The following TRPM6 variants were observed in gnomAD, a reference collection of about 807,000 sequenced individuals.
TRPM6 encodes channel kinase 2.
TRPM6 carries 111 observed loss-of-function variants against 247.6 expected under a neutral mutation model. The observed-to-expected ratio is 0.45, with a 90% CI of 0.38 to 0.52. The LOEUF (loss-of-function observed/expected upper bound fraction) is 0.52, where lower values mean the gene tolerates loss of function less well. TRPM6 is among the 20% of genes least tolerant of loss of function. The pLI is 0.00. For missense variants in TRPM6, 2,126 were observed against 2,421.5 expected (o/e 0.88, Z 2.56); for synonymous variants, 892 against 853.8 (o/e 1.04, Z -0.78).
At chr9:74,765,224 T>C (rs1028559378) in intron 25 of TRPM6, among the ~76,000 whole-genome samples, 1 of 152,090 alleles carries the variant, frequency 6.6e-6, no homozygotes, top group Admixed American at 6.5e-5. Flanking sequence ...GGGCTGGGGA[T>C]GTCTATTATG....
chr9:74,727,295 T>C (rs1246278562), intron 38 of TRPM6, among the ~76,000 whole-genome samples: 1 of 148,616 alleles, frequency 6.7e-6, no homozygotes, highest in Non-Finnish European at 1.5e-5. Context: ...GGCAGGAGAA[T>C]CGCTTGAACC....
chr9:74,809,976 CAAAA>C (rs57812269), intron 13 of TRPM6, among the ~76,000 whole-genome samples: 4 of 33,550 alleles, frequency 1.2e-4, no homozygotes, highest in African/African-American at 1.6e-4. Context: ...AACTCCATCT[CAAAA>C]AAAAAAAAAA....
At chr9:74,867,969 A>G (rs978006768) in intron 1 of TRPM6, among the ~76,000 whole-genome samples, 2 of 151,960 alleles carry the variant, frequency 1.3e-5, no homozygotes, top group African/African-American at 4.8e-5. Context: ...CCTGGCCAAC[A>G]TGGCGAAACC....
intron 1 of TRPM6, among the ~76,000 whole-genome samples, chr9:74,862,515 T>C (rs1830719481): frequency 6.6e-6 from 1 of 152,214 alleles, no homozygotes; most frequent in African/African-American, 2.4e-5. Context: ...AGATTTTATA[T>C]CTAATCTTTG....
intron 11 of TRPM6, among the ~76,000 whole-genome samples, chr9:74,816,451 G>A (rs1828929919): frequency 8.1e-6 from 1 of 123,374 alleles, no homozygotes; most frequent in South Asian, 2.9e-4. Flanking sequence ...GCTTCAGGTA[G>A]ATTGCAGAGC....
chr9:74,807,993 A>G (rs2117860870), intron 14 of TRPM6, 41 bp downstream of exon 14: 1 of 1,612,336 alleles, frequency 6.2e-7, no homozygotes, highest in African/African-American at 1.3e-5. Context: ...ACAATTCCTA[A>G]TCATTCTCAA....
At chr9:74,877,021 A>G (rs76096227) in intron 1 of TRPM6, among the ~76,000 whole-genome samples, 2,020 of 152,348 alleles carry the variant, frequency 0.013, 42 homozygotes, top group African/African-American at 0.045. Context: ...GGGAAATGCA[A>G]AACCATGCAG....
chr9:74,747,319 G>A (rs570750217), intron 31 of TRPM6, among the ~76,000 whole-genome samples: 2 of 152,280 alleles, frequency 1.3e-5, no homozygotes, highest in South Asian at 4.1e-4. Context: ...CAAAGGAGGT[G>A]GGGGAGTACT....
intron 36 of TRPM6, among the ~76,000 whole-genome samples, chr9:74,736,604 C>T (rs546220890): frequency 6.6e-6 from 1 of 152,264 alleles, no homozygotes; most frequent in South Asian, 2.1e-4. Context: ...CACATTCTTC[C>T]ATACATCCAG....
chr9:74,862,117 A>AAAAT (rs1830707051), intron 1 of TRPM6, among the ~76,000 whole-genome samples: 1 of 151,058 alleles, frequency 6.6e-6, no homozygotes, highest in East Asian at 1.9e-4. Context: ...AAAAAAAAAA[A>AAAAT]GCAGCCTTTA....
intron 4 of TRPM6, among the ~76,000 whole-genome samples, chr9:74,840,978 T>G (rs1026825518): frequency 3.3e-5 from 5 of 152,202 alleles, no homozygotes; most frequent in African/African-American, 9.7e-5. Flanking sequence ...GCTATGGCTT[T>G]CTGTTTACTT....
intron 16 of TRPM6, among the ~76,000 whole-genome samples, chr9:74,800,746 A>T (rs1427499074): frequency 2.0e-5 from 3 of 151,852 alleles, no homozygotes; most frequent in African/African-American, 7.3e-5. Context: ...CAGAACTAGG[A>T]GGTTTACATT....
Position 74,775,922 on chromosome 9 carries a change from G to A in TRPM6, c.3364C>T (p.Arg1122Ter). The change falls in exon 24 of 39, where the codon CGA (arginine) becomes TGA (stop). Residue 1122 changes from arginine (R) to a stop codon, truncating the protein, a stop_gained. Transcript: ENST00000360774. LOFTEE classifies it high-confidence loss of function. ...CCCTCTTCTTGGTCGTGAGGAGCTC[G>A]ATGACAGCACAGGCGGCGGAGGAGA... ...GLLLRRLCCH[R>*]APHDQEEGDV... 2 of 1,614,176 alleles carry A rather than the reference G, an allele frequency of 1.2e-6. No homozygotes were observed. Among genetic ancestry groups the A allele is most frequent in the Non-Finnish European group, 1.7e-6 (2 of 1,180,038 alleles).
chr9:74,812,875 G>A (rs925663414), intron 11 of TRPM6, among the ~76,000 whole-genome samples: 2 of 152,180 alleles, frequency 1.3e-5, no homozygotes, highest in African/African-American at 4.8e-5. Flanking sequence ...GGGCAACAGG[G>A]CAAGACCCTG....
intron 25 of TRPM6, among the ~76,000 whole-genome samples, chr9:74,767,695 G>C (rs2118865612): frequency 6.6e-6 from 1 of 152,192 alleles, no homozygotes; most frequent in East Asian, 1.9e-4. Context: ...AGGCTCAGAT[G>C]CGGTAACTCA....
intron 36 of TRPM6, 148 bp from the exon 37 acceptor site, chr9:74,732,884 C>T: frequency 1.5e-6 from 1 of 687,244 alleles, no homozygotes; most frequent in South Asian, 1.9e-5. Flanking sequence ...TACTTCACCA[C>T]TAAGCAATAC....
chr9:74,863,018 G>A (rs1244152186), intron 1 of TRPM6, among the ~76,000 whole-genome samples: 1 of 151,730 alleles, frequency 6.6e-6, no homozygotes, highest in Non-Finnish European at 1.5e-5. Flanking sequence ...ATGAAACAAA[G>A]TTTTTTTGTT....
intron 3 of TRPM6, among the ~76,000 whole-genome samples, chr9:74,845,584 A>G (rs1830084297): frequency 6.6e-6 from 1 of 152,218 alleles, no homozygotes; most frequent in Non-Finnish European, 1.5e-5. Context: ...TAATTCCAGC[A>G]CATTGGGAGG....
intron 25 of TRPM6, among the ~76,000 whole-genome samples, chr9:74,769,367 T>C (rs1440230671): frequency 6.6e-6 from 1 of 152,080 alleles, no homozygotes; most frequent in Non-Finnish European, 1.5e-5. Context: ...CAGGCTAGTG[T>C]TGAGCTCCTG....
Sources: gnomAD v4.1 joint callset for allele counts (sites outside exome capture counted in the v4.1 genomes callset) on GRCh38, gnomAD v4.1.1 for gene constraint, MANE v1.5 for transcripts, NCBI Gene and HGNC (gene_info 2026-07-23, HGNC 2026-07-21) for gene names.